The following CDC5L variants were observed in gnomAD, a reference collection of about 807,000 sequenced individuals.
The protein encoded by CDC5L is cell division cycle 5 like, also known as cell division cycle 5-like protein.
CDC5L carries 18 observed loss-of-function variants against 104.1 expected under a neutral mutation model. That is an observed-to-expected ratio of 0.17 (90% CI 0.12 to 0.26). The LOEUF (loss-of-function observed/expected upper bound fraction) is 0.26, where lower values mean the gene tolerates loss of function less well. CDC5L is among the 10% of genes least tolerant of loss of function. The probability of loss-of-function intolerance (pLI) is 1.00; values close to 1 mark genes in which losing one functional copy is unlikely to be tolerated. For synonymous variants in CDC5L, 331 were observed against 322.7 expected (o/e 1.03, Z -0.28); for missense variants, 673 against 956.9 (o/e 0.70, Z 3.91).
At chr6:44,426,784 C>T (rs995777601) in intron 13 of CDC5L, 60 bp downstream of exon 13, 2 of 1,513,844 alleles carry the variant, frequency 1.3e-6, no homozygotes, top group Non-Finnish European at 9.0e-7. Flanking sequence ...TGCTGTGTAT[C>T]ATGGACAAAT....
At chr6:44,422,852 A>G (rs778102656) in intron 10 of CDC5L, 43 bp downstream of exon 10, 12 of 1,396,736 alleles carry the variant, frequency 8.6e-6, no homozygotes, top group Non-Finnish European at 1.1e-5. Context: ...TTTTTTTTTA[A>G]TATCTCATGG....
rs532827273 is a variant in CDC5L at position 44,393,166 on chromosome 6, T to G, written c.312-280T>G. Among the ~76,000 whole-genome samples the G allele has an allele frequency of 3.4e-3, 484 of 140,334 alleles. 2 individuals carry two copies. The highest frequency in any genetic ancestry group is 0.012 in the African/African-American group (452 of 37,192). 92.1% of individuals were successfully genotyped at this position (140,334 alleles called of 152,430 possible). ...AACATTTTGGTTCTTTACTAATAGT[T>G]TTTTTTTTTTTTTTTTTTTTTTTAA... On this transcript the variant is annotated intron_variant, in intron 3 of 15. Coordinates refer to ENST00000371477, the MANE Select transcript of CDC5L (RefSeq NM_001253.4).
chr6:44,415,761 G>A (rs1389064685), intron 8 of CDC5L, among the ~76,000 whole-genome samples: 1 of 152,122 alleles, frequency 6.6e-6, no homozygotes, highest in Non-Finnish European at 1.5e-5. Flanking sequence ...TATTTGTTCT[G>A]GGTAGCCAGG....
At chr6:44,393,354 G>T (rs1330248581) in intron 3 of CDC5L, 92 bp from the exon 4 acceptor site, 4 of 1,211,114 alleles carry the variant, frequency 3.3e-6, no homozygotes, top group African/African-American at 3.1e-5. Context: ...TGGTTTTTTT[G>T]GGGGGAAAAA....
intron 5 of CDC5L, among the ~76,000 whole-genome samples, chr6:44,402,731 A>G (rs1791187929): frequency 6.6e-6 from 1 of 152,218 alleles, no homozygotes; most frequent in Non-Finnish European, 1.5e-5. Context: ...GCACATATTC[A>G]TTGATAGATA....
At chr6:44,417,662 GT>G (rs1346537167) in intron 8 of CDC5L, among the ~76,000 whole-genome samples, 1 of 152,198 alleles carries the variant, frequency 6.6e-6, no homozygotes, top group Non-Finnish European at 1.5e-5. Flanking sequence ...TGAGGACAGG[GT>G]TACAGTGAAG....
intron 15 of CDC5L, 60 bp downstream of exon 15, chr6:44,445,927 T>C: frequency 7.6e-7 from 1 of 1,313,360 alleles, no homozygotes; most frequent in Non-Finnish European, 1.1e-6. Context: ...ATCAGGGCTG[T>C]CCTCTTTTAC....
At chr6:44,431,838 G>T (rs1296264661) in intron 14 of CDC5L, among the ~76,000 whole-genome samples, 1 of 152,138 alleles carries the variant, frequency 6.6e-6, no homozygotes, top group African/African-American at 2.4e-5. Context: ...AAAACATGTG[G>T]TTCTCTTTGT....
chr6:44,390,226 G>T, intron 1 of CDC5L, 42 bp from the exon 2 acceptor site: 1 of 1,280,546 alleles, frequency 7.8e-7, no homozygotes, highest in Non-Finnish European at 1.1e-6. Context: ...TTTCCCACTT[G>T]GAGTTTTGTG....
At chr6:44,414,367 T>C (rs999084021) in intron 8 of CDC5L, among the ~76,000 whole-genome samples, 41 of 150,162 alleles carry the variant, frequency 2.7e-4, no homozygotes, top group African/African-American at 9.3e-4. Context: ...CGTGAGCCAC[T>C]GTGCCTGGCC....
In CDC5L at chr6:44,397,509, A is replaced by C. The variant is rs139055013; in HGVS notation, c.539+1069A>C. Among the ~76,000 whole-genome samples, 176 of 152,364 alleles carry C rather than the reference A, an allele frequency of 1.2e-3. 2 individuals carry two copies. Among genetic ancestry groups the C allele is most frequent in the African/African-American group, 4.1e-3 (171 of 41,584 alleles). ...ATTTATAGAAAACCATATTTAAAAA[A>C]AATTGAAGCTATGGCAGAGGTAATG... On this transcript the variant is annotated intron_variant, in intron 5 of 15. Coordinates refer to ENST00000371477, the MANE Select transcript of CDC5L (RefSeq NM_001253.4).
intron 8 of CDC5L, among the ~76,000 whole-genome samples, chr6:44,417,489 A>G (rs1228754709): frequency 6.6e-6 from 1 of 152,144 alleles, no homozygotes; most frequent in Non-Finnish European, 1.5e-5. Context: ...ACCTAGATTT[A>G]TGGGGAGGGA....
chr6:44,442,192 C>T (rs1025552623), intron 14 of CDC5L, among the ~76,000 whole-genome samples: 10 of 152,166 alleles, frequency 6.6e-5, no homozygotes, highest in African/African-American at 2.4e-4. Flanking sequence ...ACCTCAGCCT[C>T]CCAAAGTGCT....
intron 13 of CDC5L, among the ~76,000 whole-genome samples, chr6:44,426,982 G>A (rs1184381684): frequency 2.0e-5 from 3 of 152,110 alleles, no homozygotes; most frequent in African/African-American, 4.8e-5. Flanking sequence ...TAATGGCTTC[G>A]TTGACAGTTG....
At chr6:44,435,058 T>C (rs1792863406) in intron 14 of CDC5L, among the ~76,000 whole-genome samples, 1 of 151,152 alleles carries the variant, frequency 6.6e-6, no homozygotes, top group Non-Finnish European at 1.5e-5. Flanking sequence ...ACCTTAAACA[T>C]TGTGGTGTAT....
At chr6:44,436,058 G>A (rs529050860) in intron 14 of CDC5L, among the ~76,000 whole-genome samples, 18 of 152,258 alleles carry the variant, frequency 1.2e-4, no homozygotes, top group African/African-American at 4.1e-4. Context: ...GATTACAGGT[G>A]TGAGCCACCG....
chr6:44,399,021 A>G (rs1790997032), intron 5 of CDC5L, among the ~76,000 whole-genome samples: 1 of 152,266 alleles, frequency 6.6e-6, no homozygotes, highest in Admixed American at 6.5e-5. Context: ...GCTTTAGTGC[A>G]GAGTTCACTG....
intron 1 of CDC5L, among the ~76,000 whole-genome samples, chr6:44,389,480 C>G: frequency 6.6e-6 from 1 of 152,186 alleles, no homozygotes; most frequent in East Asian, 1.9e-4. Context: ...TAAGTGCATG[C>G]ATCTATGGCT....
chr6:44,441,806 G>T (rs1001633330), intron 14 of CDC5L, among the ~76,000 whole-genome samples: 3 of 151,532 alleles, frequency 2.0e-5, no homozygotes, highest in Admixed American at 1.3e-4. Context: ...TAAAAATAGG[G>T]TTACTTGTTT....
Sources: allele counts gnomAD v4.1 joint callset (sites outside exome capture counted in the v4.1 genomes callset), GRCh38; gene constraint gnomAD v4.1.1; transcripts MANE v1.5; gene names NCBI Gene and HGNC (gene_info 2026-07-23, HGNC 2026-07-21).